INTS8: variants seen among roughly 807,000 people sequenced by gnomAD.
INTS8 encodes protein kaonashi-1.
In INTS8, 47 loss-of-function variants were observed where a neutral mutation model predicts 138.9. The ratio of observed to expected loss-of-function variants is 0.34; its 90% confidence interval spans 0.27 to 0.43. The LOEUF is 0.43. Ranked by LOEUF, INTS8 falls within the 20% of genes least tolerant of loss-of-function variation. The pLI, the probability that INTS8 is intolerant of heterozygous loss-of-function variation, is 1.00. For missense variants in INTS8, 996 were observed against 1,173.0 expected, an observed-to-expected ratio of 0.85 and a Z score of 2.20; for synonymous variants, 392 against 400.9, an observed-to-expected ratio of 0.98 and a Z score of 0.27.
rs1815549955 is a variant in INTS8, at chr8:94,851,646, G to T, written c.1601G>T (p.Gly534Val). The change falls in exon 13 of 27, where the codon GGT becomes GTT. Residue 534 changes from glycine to valine, a missense_variant. By Grantham distance (109) the Gly-to-Val change is moderately radical. Transcript: ENST00000523731. ...RIRQILIELH[G>V]MTSERQFWTV... ...AGACAAATTTTAATTGAATTACATG[G>T]TATGACTTCAGAGCGCCAGTTCTGG... The T allele has an allele frequency of 3.7e-6, 6 of 1,603,552 alleles. No individual in the cohort carries two copies. Among genetic ancestry groups the T allele is most frequent in the African/African-American group, 2.7e-5 (2 of 74,052 alleles).
chr8:94,843,725 CAT>C (rs138363141), intron 10 of INTS8, among the ~76,000 whole-genome samples: 23,863 of 152,032 alleles, frequency 0.16, 2,019 homozygotes, highest in Middle Eastern at 0.26. Flanking sequence ...CATACTTGTA[CAT>C]ATATCTAGGT....
chr8:94,868,132 T>C (rs1009327386), intron 20 of INTS8, among the ~76,000 whole-genome samples: 4 of 152,218 alleles, frequency 2.6e-5, no homozygotes, highest in African/African-American at 9.6e-5. Flanking sequence ...TACCTGAGAA[T>C]CACAGTAAGA....
chr8:94,852,169 C>T (rs1370051305), intron 13 of INTS8, among the ~76,000 whole-genome samples: 1 of 151,894 alleles, frequency 6.6e-6, no homozygotes, highest in African/African-American at 2.4e-5. Flanking sequence ...TCTCGAACTC[C>T]TGACCACCAG....
intron 22 of INTS8, 130 bp from the exon 23 acceptor site, chr8:94,874,422 A>G: frequency 1.5e-6 from 1 of 652,216 alleles, no homozygotes; most frequent in Non-Finnish European, 2.8e-6. Context: ...AATAAAAGGT[A>G]CAGAGTTCCC....
rs1815471797 is a variant in INTS8 at position 94,849,985 on chromosome 8, A to G, written c.1401A>G (p.Thr467=). The G allele has an allele frequency of 1.2e-6, 2 of 1,612,956 alleles. No homozygotes were observed. Among genetic ancestry groups the G allele is most frequent in the Non-Finnish European group, 1.7e-6 (2 of 1,179,104 alleles). ...FMISSHELFI[T]LLKDEERKLL... is the part of the protein sequence containing the mutation. ...TTTCTTCACATGAGCTTTTCATTACATTGTTGAAAGATGAAGAACGAAAGC... is the reference window on the plus strand; with the variant it reads ...TTTCTTCACATGAGCTTTTCATTACGTTGTTGAAAGATGAAGAACGAAAGC... The change falls in exon 12 of 27, where the codon ACA becomes ACG. Residue 467 remains threonine, a synonymous_variant. Transcript: ENST00000523731.
At chr8:94,871,002 ATATGATATACT>A (rs1387491459) in intron 20 of INTS8, among the ~76,000 whole-genome samples, 1 of 151,890 alleles carries the variant, frequency 6.6e-6, no homozygotes, top group Non-Finnish European at 1.5e-5. Context: ...AGATGCACTG[ATATGATATACT>A]TGGACATCCA....
intron 20 of INTS8, among the ~76,000 whole-genome samples, chr8:94,869,300 T>C (rs1351950752): frequency 1.3e-5 from 2 of 151,818 alleles, no homozygotes; most frequent in African/African-American, 2.4e-5. Flanking sequence ...CATTTTTTAA[T>C]TGGTGGTTTC....
intron 20 of INTS8, among the ~76,000 whole-genome samples, chr8:94,870,746 C>A (rs536923892): frequency 3.9e-5 from 6 of 152,266 alleles, no homozygotes; most frequent in African/African-American, 1.4e-4. Flanking sequence ...TAAACTGTAA[C>A]CCCTCAGGGC....
chr8:94,851,465 A>T (rs923709811), intron 12 of INTS8, 88 bp from the exon 13 acceptor site: 33 of 878,520 alleles, frequency 3.8e-5, no homozygotes, highest in Non-Finnish European at 5.3e-5. Context: ...TAATTTATAG[A>T]TATAATACAA....
intron 6 of INTS8, among the ~76,000 whole-genome samples, chr8:94,834,652 G>T (rs924892553): frequency 2.0e-5 from 3 of 150,030 alleles, no homozygotes; most frequent in African/African-American, 7.4e-5. Context: ...GCAGTGAGCC[G>T]AGATCACCCC....
intron 16 of INTS8, among the ~76,000 whole-genome samples, chr8:94,861,256 A>ATTTTTTTTTTTTTTTTTTTTTTTTT (rs1210530804): frequency 1.7e-5 from 1 of 57,376 alleles, no homozygotes. Flanking sequence ...CCTTTTTGTA[A>ATTTTTTTTTTTTTTTTTTTTTTTTT]TTTTTTTTTT....
intron 20 of INTS8, among the ~76,000 whole-genome samples, chr8:94,870,023 T>C (rs947712650): frequency 6.6e-5 from 10 of 152,136 alleles, no homozygotes; most frequent in African/African-American, 2.2e-4. Flanking sequence ...TGCCTAAGAA[T>C]TGTGAGGATG....
chr8:94,857,238 A>G (rs1031406962), intron 15 of INTS8, among the ~76,000 whole-genome samples: 16 of 151,708 alleles, frequency 1.1e-4, no homozygotes, highest in African/African-American at 3.6e-4. Flanking sequence ...ATGCCTGGCT[A>G]ATTTTTGTAT....
chr8:94,836,662 TC>T (rs1484245820), intron 7 of INTS8, 31 bp downstream of exon 7: 1 of 1,334,990 alleles, frequency 7.5e-7, no homozygotes, highest in African/African-American at 1.4e-5. Context: ...AACTTAATGT[TC>T]AGTTCTTTAA....
chr8:94,827,640 A>G (rs761516772), intron 3 of INTS8, 82 bp from the exon 4 acceptor site: 32 of 1,205,566 alleles, frequency 2.7e-5, no homozygotes, highest in Admixed American at 5.5e-5. Flanking sequence ...TATAATTTAT[A>G]CAAACCTAAG....
At chr8:94,857,347 G>A (rs902384825) in intron 15 of INTS8, among the ~76,000 whole-genome samples, 13 of 152,018 alleles carry the variant, frequency 8.6e-5, no homozygotes, top group Non-Finnish European at 1.9e-4. Flanking sequence ...GCTGGGATTA[G>A]AGGCATGAGC....
intron 26 of INTS8, among the ~76,000 whole-genome samples, chr8:94,878,400 AAG>A (rs1345113596): frequency 6.6e-6 from 1 of 152,168 alleles, no homozygotes; most frequent in African/African-American, 2.4e-5. Context: ...CATGGATGTT[AAG>A]AGTCTTGGGA....
At chr8:94,829,117 T>G in intron 5 of INTS8, 91 bp downstream of exon 5, 1 of 912,956 alleles carries the variant, frequency 1.1e-6, no homozygotes, top group East Asian at 2.5e-5. Context: ...ACTGGTTTTG[T>G]GGAAGGCAAT....
intron 12 of INTS8, 129 bp downstream of exon 12, chr8:94,850,220 A>C (rs1233720326): frequency 1.1e-5 from 7 of 637,268 alleles, no homozygotes; most frequent in Non-Finnish European, 1.8e-5. Flanking sequence ...ATAGAAATTC[A>C]CCTGTCTTCC....
Sources: allele counts gnomAD v4.1 joint callset (sites outside exome capture counted in the v4.1 genomes callset), GRCh38; gene constraint gnomAD v4.1.1; transcripts MANE v1.5; gene names NCBI Gene and HGNC (gene_info 2026-07-23, HGNC 2026-07-21).